STRBP: variants seen among roughly 807,000 people sequenced by gnomAD.
STRBP encodes the protein spermatid perinuclear RNA binding protein, also known as spermatid perinuclear RNA-binding protein.
In STRBP, 13 loss-of-function variants were observed where a neutral mutation model predicts 80.1. The ratio of observed to expected loss-of-function variants is 0.16; its 90% CI spans 0.11 to 0.26. The LOEUF (loss-of-function observed/expected upper bound fraction) is 0.26. Ranked by LOEUF, STRBP falls within the 10% of genes least tolerant of loss-of-function variation. The probability of loss-of-function intolerance (pLI) is 1.00; values close to 1 mark genes in which losing one functional copy is unlikely to be tolerated. For synonymous variants in STRBP, 284 were observed against 291.2 expected (o/e 0.98, Z 0.25); for missense variants, 485 against 815.2 (o/e 0.59, Z 4.93).
chr9:123,203,936 C>T, intron 2 of STRBP, among the ~76,000 whole-genome samples: 1 of 152,142 alleles, frequency 6.6e-6, no homozygotes. Flanking sequence ...CGCGCCACTG[C>T]ACTCCAGCCT....
At chr9:123,222,224 A>G (rs1448402026) in intron 2 of STRBP, among the ~76,000 whole-genome samples, 3 of 150,586 alleles carry the variant, frequency 2.0e-5, no homozygotes, top group Non-Finnish European at 2.9e-5. Context: ...GTAATGTTCA[A>G]GTTGTCTCAA....
chr9:123,194,814 A>G (rs970417892), intron 2 of STRBP, among the ~76,000 whole-genome samples: 3 of 152,106 alleles, frequency 2.0e-5, no homozygotes, highest in Admixed American at 6.6e-5. Context: ...GCTTCCATCT[A>G]AGACACCACT....
chr9:123,120,474 A>T, downstream of STRBP, among the ~76,000 whole-genome samples: 1 of 14,802 alleles, frequency 6.8e-5, no homozygotes, highest in African/African-American at 3.3e-4. Flanking sequence ...TTGAAATCTA[A>T]TTGCGGGCGG....
intron 2 of STRBP, among the ~76,000 whole-genome samples, chr9:123,221,757 T>G (rs748012931): frequency 6.6e-6 from 1 of 152,236 alleles, no homozygotes; most frequent in Non-Finnish European, 1.5e-5. Flanking sequence ...ACAAAGGTGA[T>G]GGTGCATAGC....
At chr9:123,162,966 T>C (rs1014068452) in intron 6 of STRBP, among the ~76,000 whole-genome samples, 1 of 152,212 alleles carries the variant, frequency 6.6e-6, no homozygotes, top group African/African-American at 2.4e-5. Context: ...AACAAACTAC[T>C]GTAAATGAAT....
intron 18 of STRBP, among the ~76,000 whole-genome samples, chr9:123,127,983 C>CA (rs2035964944): frequency 1.3e-5 from 2 of 152,162 alleles, no homozygotes; most frequent in African/African-American, 4.8e-5. Flanking sequence ...TGGTCAGAAA[C>CA]AGGCAATTAG....
At chr9:123,127,669 C>T (rs569755768) in intron 18 of STRBP, among the ~76,000 whole-genome samples, 81 of 152,300 alleles carry the variant, frequency 5.3e-4, no homozygotes, top group Non-Finnish European at 1.0e-3. Context: ...CTTCCTGCAG[C>T]GAGCACTTAA....
intron 11 of STRBP, among the ~76,000 whole-genome samples, chr9:123,150,916 T>C (rs1164770986): frequency 6.6e-6 from 1 of 152,208 alleles, no homozygotes; most frequent in Non-Finnish European, 1.5e-5. Flanking sequence ...AATCCCTGAC[T>C]ACACTGAAAT....
intron 2 of STRBP, among the ~76,000 whole-genome samples, chr9:123,225,923 TATC>T (rs1296143096): frequency 1.3e-5 from 2 of 152,222 alleles, no homozygotes; most frequent in Non-Finnish European, 2.9e-5. Flanking sequence ...TAAATTCACT[TATC>T]ATACAATCCA....
chr9:123,170,006 T>G lies in STRBP; in HGVS notation c.431A>C (p.Asn144Thr). ...ATTCCGAATTATAATAGATGCCTCA[T>G]TTACACATTGTTCCACTTGATATTT... ...EEKYQVEQCV[N>T]EASIIIRNTK... is the part of the protein sequence containing the mutation. Residue 144 changes from asparagine to threonine, a missense_variant, in exon 6 of 19, where the codon AAT (asparagine) becomes ACT (threonine). This residue lies in a region of STRBP where 377 missense variants were observed against 616.1 expected (regional missense o/e 0.61). Transcript: ENST00000348403. 2 of 1,610,296 alleles carry G rather than the reference T, an allele frequency of 1.2e-6. No individual in the cohort carries two copies. The highest frequency in any genetic ancestry group is 2.2e-5 in the South Asian group (2 of 89,912).
intron 2 of STRBP, among the ~76,000 whole-genome samples, chr9:123,219,753 G>A (rs2040011254): frequency 6.6e-6 from 1 of 152,144 alleles, no homozygotes; most frequent in African/African-American, 2.4e-5. Flanking sequence ...AAGTTATCCA[G>A]AGTTTTTATT....
Position 123,115,064 on chromosome 9 carries a change from A to G in STRBP, c.*84+865T>C. The stretch of plus-strand genomic sequence containing the variant: ...CCTCTGGAACTCACTATTGTGGACA[A>G]TGGTCATCATTGAAGGACACACCAC... On this transcript the variant is annotated intron_variant and NMD_transcript_variant, in intron 3 of 3. Coordinates refer to the STRBP transcript ENST00000471564. This position sits in a 1 kb window ranked among gnomAD's most constrained non-coding sequence, Gnocchi z 5.0. 2 of 394,634 alleles carry G rather than the reference A, an allele frequency of 5.1e-6. No individual in the cohort carries two copies. Among genetic ancestry groups the G allele is most frequent in the Admixed American group, 3.0e-5 (1 of 33,774 alleles). 24.4% of individuals were successfully genotyped at this position (394,634 alleles called of 1,614,324 possible). A position where few individuals can be genotyped will look rare whatever the true frequency, so the allele number is the denominator to read the frequency against.
intron 2 of STRBP, among the ~76,000 whole-genome samples, chr9:123,236,384 T>G (rs980001518): frequency 1.3e-5 from 2 of 152,182 alleles, no homozygotes; most frequent in African/African-American, 4.8e-5. Context: ...AAAAGTATAA[T>G]TTTTAAAGAG....
Position 123,124,471 on chromosome 9 carries a change from G to C in STRBP, c.*1126C>G. On this transcript the variant is annotated 3_prime_UTR_variant, in exon 19 of 19. Coordinates refer to ENST00000348403, the MANE Select transcript of STRBP (RefSeq NM_018387.5). ...ATCATCAGGTGTCTTAAAAAGAAAT[G>C]CTGACCCATGGCTGAAACCTGTCAC... 1.0e-6 allele frequency: 1 copy of C among 985,442 alleles called. No homozygotes were observed. Among genetic ancestry groups the C allele is most frequent in the Non-Finnish European group, 1.2e-6 (1 of 829,966 alleles). The allele number at this position is 985,442 out of a possible 1,614,324, so 61.0% of individuals were successfully genotyped here. A position where few individuals can be genotyped will look rare whatever the true frequency, so the allele number is the denominator to read the frequency against.
chr9:123,117,168 C>T (rs928287850), downstream of STRBP, among the ~76,000 whole-genome samples: 3 of 152,142 alleles, frequency 2.0e-5, no homozygotes, highest in Admixed American at 6.5e-5. Flanking sequence ...GAATGCCAGG[C>T]GCTCATTCTC....
At chr9:123,139,718 T>C in intron 13 of STRBP, 31 bp from the exon 14 acceptor site, 1 of 1,598,784 alleles carries the variant, frequency 6.3e-7, no homozygotes. Context: ...TGCAGTTTTA[T>C]TCAGACACGA....
chr9:123,158,811 A>C (rs1399261315), intron 9 of STRBP, among the ~76,000 whole-genome samples: 5 of 152,204 alleles, frequency 3.3e-5, no homozygotes, highest in Non-Finnish European at 4.4e-5. Context: ...CATTTTAACT[A>C]AACATCTGCA....
intron 17 of STRBP, among the ~76,000 whole-genome samples, chr9:123,131,331 C>T (rs563298737): frequency 5.5e-4 from 83 of 152,206 alleles, no homozygotes; most frequent in Non-Finnish European, 1.0e-3. Context: ...ATCCAAACAA[C>T]GGCCTCCAGG....
intron 1 of STRBP, among the ~76,000 whole-genome samples, chr9:123,239,580 A>C (rs2040649609): frequency 1.3e-5 from 2 of 152,198 alleles, no homozygotes. Flanking sequence ...CTTCTTATGA[A>C]TATGACTTAT....
Sources: allele counts gnomAD v4.1 joint callset (sites outside exome capture counted in the v4.1 genomes callset), GRCh38; gene constraint gnomAD v4.1.1; regional missense constraint gnomAD v4.1.1; non-coding constraint Gnocchi (gnomAD v3.1); transcripts MANE v1.5; gene names NCBI Gene and HGNC (gene_info 2026-07-23, HGNC 2026-07-21).